The following NDUFA8 variants were observed in gnomAD, a reference collection of about 807,000 sequenced individuals.
The protein encoded by NDUFA8 is NADH:ubiquinone oxidoreductase subunit A8, also known as NADH dehydrogenase [ubiquinone] 1 alpha subcomplex subunit 8.
Under a neutral mutation model 20.9 loss-of-function variants are expected in NDUFA8, and 16 were observed. The ratio of observed to expected loss-of-function variants is 0.77; its 90% CI spans 0.52 to 1.16. The LOEUF (loss-of-function observed/expected upper bound fraction) is 1.16, where lower values mean the gene tolerates loss of function less well. NDUFA8 is among the 50% of genes most tolerant of loss of function. The pLI is 0.00. For missense variants in NDUFA8, 202 were observed against 216.4 expected (o/e 0.93, Z 0.42); for synonymous variants, 70 against 76.1 (o/e 0.92, Z 0.41).
chr9:122,150,592 T>A (rs961078853), intron 2 of NDUFA8, among the ~76,000 whole-genome samples: 5 of 152,000 alleles, frequency 3.3e-5, no homozygotes, highest in Non-Finnish European at 5.9e-5. Flanking sequence ...AAAACTGAAA[T>A]CAACAATGAT....
At chr9:122,135,736 C>T in the NDUFA8 span, among the ~76,000 whole-genome samples, 9 of 152,144 alleles carry the variant, frequency 5.9e-5, no homozygotes, top group South Asian at 2.1e-4. Context: ...ACCACAGGCA[C>T]GTGCTACCAT....
chr9:122,157,204 C>T (rs1286843033), intron 1 of NDUFA8, among the ~76,000 whole-genome samples: 1 of 152,222 alleles, frequency 6.6e-6, no homozygotes, highest in African/African-American at 2.4e-5. Flanking sequence ...CAGACCCTAC[C>T]CTCACTTAGA....
intron 3 of NDUFA8, among the ~76,000 whole-genome samples, chr9:122,147,514 C>T (rs1361965461): frequency 6.6e-6 from 1 of 152,102 alleles, no homozygotes; most frequent in Non-Finnish European, 1.5e-5. Flanking sequence ...ATGTTTTCAA[C>T]TGACAGTGTT....
At chr9:122,138,869 G>GGGC in the NDUFA8 span, among the ~76,000 whole-genome samples, 1 of 142,064 alleles carries the variant, frequency 7.0e-6, no homozygotes, top group Non-Finnish European at 1.5e-5. Flanking sequence ...AAGAGGTGGG[G>GGGC]GGGGGGCCAT....
At chr9:122,143,998 G>T (rs976745198), downstream of NDUFA8, 13 of 1,234,096 alleles carry the variant, frequency 1.1e-5, no homozygotes, top group Non-Finnish European at 1.4e-5. Flanking sequence ...GAAGAAAAAA[G>T]CAAGGGGAAG....
downstream of NDUFA8, among the ~76,000 whole-genome samples, chr9:122,142,701 T>C (rs755846582): frequency 8.5e-5 from 13 of 152,192 alleles, no homozygotes; most frequent in African/African-American, 1.4e-4. Flanking sequence ...ACTCTGGGCA[T>C]TGAAGGAGGT....
At chr9:122,139,449 C>T (rs1262207876), downstream of NDUFA8, among the ~76,000 whole-genome samples, 1 of 152,154 alleles carries the variant, frequency 6.6e-6, no homozygotes, top group Non-Finnish European at 1.5e-5. Context: ...CTGTTTATTG[C>T]CTCCACCAAT....
downstream of NDUFA8, among the ~76,000 whole-genome samples, chr9:122,140,274 A>G (rs1362233737): frequency 6.6e-6 from 1 of 152,238 alleles, no homozygotes; most frequent in Non-Finnish European, 1.5e-5. Flanking sequence ...TGTGACACAC[A>G]TCACAAATAA....
intron 1 of NDUFA8, among the ~76,000 whole-genome samples, chr9:122,158,417 G>A (rs1415144609): frequency 6.6e-6 from 1 of 152,044 alleles, no homozygotes; most frequent in Admixed American, 6.6e-5. Flanking sequence ...AGCACCTGCT[G>A]CTTCCCACCA....
downstream of NDUFA8, among the ~76,000 whole-genome samples, chr9:122,142,225 C>T (rs1158647663): frequency 6.6e-6 from 1 of 152,218 alleles, no homozygotes; most frequent in Non-Finnish European, 1.5e-5. Context: ...TCTCCATATA[C>T]ACCCATTTAT....
At chr9:122,133,589 G>T in the NDUFA8 span, among the ~76,000 whole-genome samples, 3 of 152,314 alleles carry the variant, frequency 2.0e-5, no homozygotes, top group African/African-American at 7.2e-5. Context: ...CGCATCAGGG[G>T]ATGCGTTCTA....
chr9:122,142,705 A>C (rs146683267), downstream of NDUFA8, among the ~76,000 whole-genome samples: 21 of 152,308 alleles, frequency 1.4e-4, no homozygotes, highest in East Asian at 4.0e-3. Context: ...TGGGCATTGA[A>C]GGAGGTGAAA....
chr9:122,140,877 C>T (rs992709463), downstream of NDUFA8, among the ~76,000 whole-genome samples: 1 of 152,174 alleles, frequency 6.6e-6, no homozygotes, highest in Admixed American at 6.5e-5. Flanking sequence ...TAGGGTCACA[C>T]AGCCATTAAA....
the NDUFA8 span, among the ~76,000 whole-genome samples, chr9:122,136,791 G>A: frequency 6.6e-6 from 1 of 152,094 alleles, no homozygotes; most frequent in Admixed American, 6.6e-5. Context: ...TCCTGACCTC[G>A]TGATCCGCCC....
At chr9:122,141,806 A>G (rs1421565528), downstream of NDUFA8, among the ~76,000 whole-genome samples, 2 of 152,220 alleles carry the variant, frequency 1.3e-5, no homozygotes, top group African/African-American at 2.4e-5. Flanking sequence ...TTAATTACTT[A>G]GACTCTTCTG....
At chr9:122,158,695 G>A (rs1158976223) in intron 1 of NDUFA8, among the ~76,000 whole-genome samples, 6 of 147,956 alleles carry the variant, frequency 4.1e-5, no homozygotes, top group Non-Finnish European at 5.9e-5. Context: ...AATTGTGTGT[G>A]TGTATATATA....
At position 122,144,201 on chromosome 9, in the gene NDUFA8, T is replaced by C. The variant is rs1261342158; in HGVS notation, c.*40A>G. Reference sequence around the variant, plus strand: ...CCGCATGGGCGTTTTCATCAGTCGTTGTCTGAGCACATGACCGAGTGTGGG... The same window carrying C: ...CCGCATGGGCGTTTTCATCAGTCGTCGTCTGAGCACATGACCGAGTGTGGG... On this transcript the variant is annotated 3_prime_UTR_variant, in exon 4 of 4. Coordinates refer to ENST00000373768, the MANE Select transcript of NDUFA8 (RefSeq NM_014222.3). The C allele has an allele frequency of 2.6e-5, 42 of 1,612,640 alleles. No homozygotes were observed. Among genetic ancestry groups the C allele is most frequent in the Non-Finnish European group, 3.0e-5 (35 of 1,179,952 alleles).
At chr9:122,152,553 T>A (rs966575497) in intron 1 of NDUFA8, 145 bp from the exon 2 acceptor site, 5 of 618,928 alleles carry the variant, frequency 8.1e-6, no homozygotes, top group South Asian at 4.2e-5. Context: ...GTCATAATAA[T>A]AATTTTTTTT....
the NDUFA8 span, among the ~76,000 whole-genome samples, chr9:122,138,751 T>TC: frequency 1.4e-5 from 2 of 139,064 alleles, no homozygotes; most frequent in Admixed American, 1.4e-4. Context: ...GCAGGGTGCT[T>TC]CTAACACGGA....
Sources: gnomAD v4.1 joint callset for allele counts (sites outside exome capture counted in the v4.1 genomes callset) on GRCh38, gnomAD v4.1.1 for gene constraint, MANE v1.5 for transcripts, NCBI Gene and HGNC (gene_info 2026-07-23, HGNC 2026-07-21) for gene names.